SON: variants seen among roughly 807,000 people sequenced by gnomAD.
SON encodes SON DNA and RNA binding protein.
A neutral mutation model predicts 173.3 loss-of-function variants in SON; 4 were observed. The ratio of observed to expected loss-of-function variants is 0.02; its 90% confidence interval spans 0.01 to 0.05. The LOEUF is 0.05. SON is among the 10% of genes least tolerant of loss of function. The pLI, the probability that SON is intolerant of heterozygous loss-of-function variation, is 1.00. For synonymous variants in SON, 1,190 were observed against 1,105.9 expected (o/e 1.08, Z -1.51); for missense variants, 2,626 against 3,055.3 (o/e 0.86, Z 3.31).
intron 3 of SON, among the ~76,000 whole-genome samples, chr21:33,556,043 C>T (rs551920282): frequency 1.3e-5 from 2 of 152,274 alleles, no homozygotes; most frequent in East Asian, 3.9e-4. Context: ...GTGATTAAAA[C>T]TTGATCGATA....
intron 2 of SON, among the ~76,000 whole-genome samples, chr21:33,548,181 T>C (rs1234085001): frequency 6.6e-6 from 1 of 151,796 alleles, no homozygotes; most frequent in Non-Finnish European, 1.5e-5. Flanking sequence ...CAAACCTTCT[T>C]AAGTTGTAAA....
At position 33,549,582 on chromosome 21, in the gene SON, AAAG is replaced by A. The variant is rs1175190849; in HGVS notation, c.357_359del (p.Lys123del). ...AGAAGCATAAAAAGCACAAAAACAA[AAAG>A]AAGAAAAAGAAGAAAGAAAAGGAAA... On this transcript the variant is annotated inframe_deletion, in exon 3 of 12. Coordinates refer to ENST00000356577, the MANE Select transcript of SON (RefSeq NM_138927.4). 3.2e-6 allele frequency: 5 copies of A among 1,586,360 alleles called. No individual in the cohort carries two copies. Among genetic ancestry groups the A allele is most frequent in the Admixed American group, 1.9e-5 (1 of 52,332 alleles).
At chr21:33,544,357 A>T (rs1369369676) in intron 1 of SON, among the ~76,000 whole-genome samples, 1 of 152,174 alleles carries the variant, frequency 6.6e-6, no homozygotes, top group African/African-American at 2.4e-5. Flanking sequence ...GAGCTAAGAG[A>T]ATATAATTTT....
rs1005000647 is a variant in SON, at chr21:33,557,393, G to T, written c.6321+77G>T. ...TTGACTCTGGAGCGTGCCAAAACCC[G>T]AATTGTGGGCAGAACTGATAATGGC... On this transcript the variant is annotated intron_variant, in intron 4 of 11. Coordinates refer to ENST00000356577, the MANE Select transcript of SON (RefSeq NM_138927.4). 5.1e-6 allele frequency: 8 copies of T among 1,567,232 alleles called. No individual in the cohort carries two copies. The South Asian group carries it at 8.1e-5, about 16-fold the overall frequency.
At chr21:33,573,712 AATTTT>A (rs1357902849) in intron 9 of SON, among the ~76,000 whole-genome samples, 1 of 152,202 alleles carries the variant, frequency 6.6e-6, no homozygotes, top group East Asian at 1.9e-4. Context: ...GTATATATCT[AATTTT>A]ATTATTACAC....
chr21:33,567,914 A>G (rs2086205585), intron 7 of SON, among the ~76,000 whole-genome samples: 1 of 152,108 alleles, frequency 6.6e-6, no homozygotes, highest in East Asian at 1.9e-4. Flanking sequence ...CTGTCTAAAA[A>G]AAACAAAAGA....
chr21:33,554,141 C>A lies in SON; in HGVS notation c.4910C>A (p.Thr1637Asn). The change falls in exon 3 of 12, where the codon ACT (threonine) becomes AAT (asparagine). Residue 1637 changes from threonine to asparagine, a missense_variant. Thr to Asn is a moderately conservative substitution (Grantham distance 65). This residue lies in a region of SON where 1,006 missense variants were observed against 895.6 expected (regional missense o/e 1.12). Coordinates refer to ENST00000356577, the MANE Select transcript of SON (RefSeq NM_138927.4). ...DVDLSLTTQD[T>N]EHDMVISTSP... ...GATTTATCTTTAACTACTCAAGATA[C>A]TGAACATGACATGGTAATTTCCACC... 1 of 1,614,022 alleles carries A rather than the reference C, an allele frequency of 6.2e-7. No individual in the cohort carries two copies. The highest frequency in any genetic ancestry group is 8.5e-7 in the Non-Finnish European group (1 of 1,179,924).
intron 1 of SON, among the ~76,000 whole-genome samples, chr21:33,544,418 G>T (rs923152171): frequency 6.6e-6 from 1 of 152,158 alleles, no homozygotes; most frequent in Non-Finnish European, 1.5e-5. Context: ...GTTTAACGAG[G>T]TGTGTTTTTG....
chr21:33,569,170 AC>A, intron 8 of SON, 83 bp downstream of exon 8: 1 of 782,034 alleles, frequency 1.3e-6, no homozygotes, highest in South Asian at 1.6e-5. Flanking sequence ...GCATGAAAAG[AC>A]CAGTGACTCT....
chr21:33,569,548 T>C, intron 8 of SON: 1 of 404,712 alleles, frequency 2.5e-6, no homozygotes, highest in South Asian at 1.9e-5. Flanking sequence ...TCTATTCCTT[T>C]GCCCTCGCAC....
At position 33,553,474 on chromosome 21, in the gene SON, C is replaced by G; in HGVS notation, c.4243C>G (p.Pro1415Ala). 1.2e-6 allele frequency: 2 copies of G among 1,614,236 alleles called. No homozygotes were observed. Among genetic ancestry groups the G allele is most frequent in the Non-Finnish European group, 1.7e-6 (2 of 1,180,036 alleles). ...TGTGCCAGTTGTTTCTGCGCTGGAG[C>G]CTTCTGTGCCTGTTCTGGAACCAGC... ...IPVPVVSALE[P>A]SVPVLEPAVS... The change falls in exon 3 of 12, where the codon CCT becomes GCT. Residue 1415 changes from proline to alanine, a missense_variant. By Grantham distance (27) the Pro-to-Ala change is conservative. Transcript: ENST00000356577.
chr21:33,547,198 G>A (rs980202707), intron 2 of SON, among the ~76,000 whole-genome samples: 16 of 151,828 alleles, frequency 1.1e-4, no homozygotes, highest in Admixed American at 1.3e-4. Context: ...AGGGTGGTCT[G>A]GTCTCGATCT....
chr21:33,554,636 AAAG>A lies in SON; in HGVS notation c.5406_5408del (p.Lys1802_Ser1803delinsAsn), dbSNP rs2085916047. On this transcript the variant is annotated inframe_deletion, in exon 3 of 12. Coordinates refer to ENST00000356577, the MANE Select transcript of SON (RefSeq NM_138927.4). ...GTAAAAGTTAAGGACACTCACGAAA[AAAG>A]CAAGAAAAATAAGAACCGTGATAAG... The A allele has an allele frequency of 1.2e-6, 2 of 1,613,214 alleles. No homozygotes were observed. The highest frequency in any genetic ancestry group is 1.7e-6 in the Non-Finnish European group (2 of 1,179,862).
rs751666274 is a variant in SON at position 33,552,519 on chromosome 21, C to T, written c.3288C>T (p.Tyr1096=). 8.7e-6 allele frequency: 14 copies of T among 1,613,926 alleles called. No homozygotes were observed. Among genetic ancestry groups the T allele is most frequent in the Non-Finnish European group, 1.1e-5 (13 of 1,180,002 alleles). Residue 1096 remains tyrosine, a synonymous_variant, in exon 3 of 12, where the codon TAC becomes TAT. Transcript: ENST00000356577. This position sits in a 1 kb window ranked among gnomAD's most constrained non-coding sequence, Gnocchi z 5.6. ...MGADRSMMSS[Y]SAADRSMMSS... ...CTGACCGGTCTATGATGTCGTCATA[C>T]TCTGCTGCTGACCGGTCTATGATGT...
rs1402877573 is a variant in SON at position 33,555,140 on chromosome 21, GCA to G, written c.5910_5911del (p.Ser1971ProfsTer18). On this transcript the variant is annotated frameshift_variant, in exon 3 of 12. Transcript: ENST00000356577. LOFTEE classifies it high-confidence loss of function. Reference sequence around the variant, plus strand: ...CGCCGCAGCCGCACCCCCAGCCGCCGCAGCCGCACCCCCAGCCGCCGCAGCCG... The same window carrying G: ...CGCCGCAGCCGCACCCCCAGCCGCCGGCCGCACCCCCAGCCGCCGCAGCCG... 2.5e-5 allele frequency: 37 copies of G among 1,477,972 alleles called. No homozygotes were observed. In the African/African-American group the frequency reaches 3.6e-4, roughly 15 times the overall value. The allele number at this position is 1,477,972 out of a possible 1,614,324, so 91.6% of individuals were successfully genotyped here. A position where few individuals can be genotyped will look rare whatever the true frequency, so the allele number is the denominator to read the frequency against.
intron 2 of SON, among the ~76,000 whole-genome samples, chr21:33,548,835 C>G (rs944834854): frequency 6.6e-6 from 1 of 152,038 alleles, no homozygotes; most frequent in Non-Finnish European, 1.5e-5. Context: ...TATTCAGTGA[C>G]AAAAGTAGTT....
chr21:33,555,131 C>CCAGCCGCCG lies in SON; in HGVS notation c.5908_5916dup (p.Arg1970_Arg1972dup). The CCAGCCGCCG allele has an allele frequency of 6.7e-7, 1 of 1,482,866 alleles. No homozygotes were observed. The allele number at this position is 1,482,866 out of a possible 1,614,324, so 91.9% of individuals were successfully genotyped here. A position where few individuals can be genotyped will look rare whatever the true frequency, so the allele number is the denominator to read the frequency against. On this transcript the variant is annotated inframe_insertion, in exon 3 of 12. Transcript: ENST00000356577. ...ACCCCCAGCCGCCGCAGCCGCACCC[C>CCAGCCGCCG]CAGCCGCCGCAGCCGCACCCCCAGC...
chr21:33,555,663 A>T (rs1193333538), intron 3 of SON, among the ~76,000 whole-genome samples: 1 of 152,230 alleles, frequency 6.6e-6, no homozygotes, highest in Non-Finnish European at 1.5e-5. Context: ...TGCCATAGCT[A>T]AAAATTGAAA....
At position 33,567,064 on chromosome 21, in the gene SON, GT is replaced by G. The variant is rs1297793187; in HGVS notation, c.6658-88del. 3 of 636,082 alleles carry G rather than the reference GT, an allele frequency of 4.7e-6. No individual in the cohort carries two copies. The African/African-American group carries it at 5.5e-5, about 12-fold the overall frequency. 39.4% of individuals were successfully genotyped at this position (636,082 alleles called of 1,614,324 possible). ...ATTAGTATTATAAGACTATTATTTT[GT>G]TTTTGATATGTAGCAACTAAAGATA... is the stretch of plus-strand genomic sequence containing the variant. On this transcript the variant is annotated intron_variant, in intron 6 of 11. Transcript: ENST00000356577.
Sources: gnomAD v4.1 joint callset for allele counts (sites outside exome capture counted in the v4.1 genomes callset) on GRCh38, gnomAD v4.1.1 for gene constraint, gnomAD v4.1.1 regional missense constraint, Gnocchi (gnomAD v3.1) non-coding constraint, MANE v1.5 for transcripts, NCBI Gene and HGNC (gene_info 2026-07-23, HGNC 2026-07-21) for gene names.